NETO1: variants seen among roughly 807,000 people sequenced by gnomAD.
NETO1 encodes neuropilin and tolloid like 1.
Under a neutral mutation model 61.3 loss-of-function variants are expected in NETO1, and 26 were observed. The ratio of observed to expected loss-of-function variants is 0.42; its 90% confidence interval spans 0.31 to 0.59. The LOEUF (loss-of-function observed/expected upper bound fraction) is 0.59. Among genes scored for constraint, NETO1 ranks in the 20% least tolerant of loss-of-function variants. The probability of loss-of-function intolerance (pLI) is 0.12; values close to 1 mark genes in which losing one functional copy is unlikely to be tolerated. For synonymous variants in NETO1, 225 were observed against 225.8 expected (o/e 1.00, Z 0.03); for missense variants, 531 against 662.8 (o/e 0.80, Z 2.18).
chr18:72,842,621 C>A (rs1246779591), intron 4 of NETO1, among the ~76,000 whole-genome samples: 1 of 152,106 alleles, frequency 6.6e-6, no homozygotes, highest in Admixed American at 6.5e-5. Flanking sequence ...AATAGAATCA[C>A]AAAGATTGAA....
chr18:72,795,571 G>A (rs565087366), intron 4 of NETO1, among the ~76,000 whole-genome samples: 1 of 152,062 alleles, frequency 6.6e-6, no homozygotes, highest in African/African-American at 2.4e-5. Context: ...TACATTCTTG[G>A]AGTTGCATTT....
chr18:72,805,339 T>C (rs1033935065), intron 4 of NETO1, among the ~76,000 whole-genome samples: 1 of 152,208 alleles, frequency 6.6e-6, no homozygotes, highest in Non-Finnish European at 1.5e-5. Flanking sequence ...TTCTCAAATA[T>C]TCTACACAAA....
At chr18:72,783,033 T>C (rs2071796474) in intron 7 of NETO1, among the ~76,000 whole-genome samples, 1 of 152,220 alleles carries the variant, frequency 6.6e-6, no homozygotes, top group Non-Finnish European at 1.5e-5. Flanking sequence ...TGCATAAATT[T>C]GTAACACATG....
At chr18:72,865,683 T>C (rs2145701638) in intron 1 of NETO1, 1 of 1,558,498 alleles carries the variant, frequency 6.4e-7, no homozygotes, top group Non-Finnish European at 8.7e-7. Context: ...GTTCCTGACA[T>C]ACTGCAGTGT....
intron 4 of NETO1, among the ~76,000 whole-genome samples, chr18:72,855,890 A>G (rs1258464344): frequency 6.6e-6 from 1 of 152,200 alleles, no homozygotes; most frequent in Non-Finnish European, 1.5e-5. Context: ...TGCATGCTAT[A>G]CATCTCAACT....
chr18:72,803,917 C>T (rs2072590949), intron 4 of NETO1, among the ~76,000 whole-genome samples: 1 of 151,990 alleles, frequency 6.6e-6, no homozygotes, highest in Non-Finnish European at 1.5e-5. Context: ...CATAACAACA[C>T]ATCATAACAG....
intron 4 of NETO1, among the ~76,000 whole-genome samples, chr18:72,806,370 T>A (rs890224745): frequency 3.9e-5 from 6 of 152,178 alleles, no homozygotes; most frequent in African/African-American, 1.4e-4. Flanking sequence ...TATAAACTCA[T>A]CCAGATCCAC....
chr18:72,799,949 C>T (rs1470014906), intron 4 of NETO1, among the ~76,000 whole-genome samples: 1 of 152,248 alleles, frequency 6.6e-6, no homozygotes, highest in East Asian at 1.9e-4. Flanking sequence ...AGAACAAAAA[C>T]TGTGTTCAAG....
Position 72,746,042 on chromosome 18 carries a change from A to T in NETO1, c.*2137T>A, listed in dbSNP as rs1403700463. ...TCCCATTGGTAGATTTCTGGTGAAA[A>T]TACCTTTTAAGCAGGGAATCAGCAT... On this transcript the variant is annotated 3_prime_UTR_variant, in exon 11 of 11. Transcript: ENST00000327305. The T allele has an allele frequency of 6.6e-6, 1 of 152,110 alleles. No individual in the cohort carries two copies. Among genetic ancestry groups the T allele is most frequent in the Non-Finnish European group, 1.5e-5 (1 of 68,020 alleles). 9.4% of individuals were successfully genotyped at this position (152,110 alleles called of 1,614,324 possible).
intron 4 of NETO1, among the ~76,000 whole-genome samples, chr18:72,856,791 C>T (rs1351566853): frequency 6.6e-6 from 1 of 152,182 alleles, no homozygotes; most frequent in African/African-American, 2.4e-5. Flanking sequence ...TGGCAATTCT[C>T]GTAACGCTTC....
chr18:72,818,754 C>T (rs1236826475), intron 4 of NETO1, among the ~76,000 whole-genome samples: 4 of 152,066 alleles, frequency 2.6e-5, no homozygotes, highest in African/African-American at 9.7e-5. Flanking sequence ...ATATCATGCT[C>T]ATTATAACTT....
chr18:72,757,807 G>A (rs749992717), intron 7 of NETO1, among the ~76,000 whole-genome samples: 4 of 152,048 alleles, frequency 2.6e-5, no homozygotes, highest in Non-Finnish European at 4.4e-5. Flanking sequence ...GAATTGATAA[G>A]GTCTGTTAAT....
chr18:72,829,860 A>G (rs1336680363), intron 4 of NETO1, among the ~76,000 whole-genome samples: 1 of 152,148 alleles, frequency 6.6e-6, no homozygotes, highest in Admixed American at 6.5e-5. Flanking sequence ...AAGGCAACAC[A>G]CCATATATAA....
downstream of NETO1, chr18:72,742,431 CAT>C (rs1414980404): frequency 1.3e-5 from 2 of 152,134 alleles, no homozygotes; most frequent in African/African-American, 4.8e-5. Flanking sequence ...GAAGTCTACA[CAT>C]GATTTAGGAA....
chr18:72,787,342 C>A (rs2071956311), intron 6 of NETO1, among the ~76,000 whole-genome samples: 1 of 151,442 alleles, frequency 6.6e-6, no homozygotes, highest in Non-Finnish European at 1.5e-5. Flanking sequence ...AAGTGTAATA[C>A]AAAATGACAC....
intron 4 of NETO1, among the ~76,000 whole-genome samples, chr18:72,798,286 C>T (rs1009348880): frequency 6.6e-5 from 10 of 152,236 alleles, no homozygotes; most frequent in East Asian, 5.8e-4. Context: ...ACTGTGCATG[C>T]GAGGGATCTA....
chr18:72,782,449 C>T (rs148433460), intron 7 of NETO1, among the ~76,000 whole-genome samples: 5 of 152,260 alleles, frequency 3.3e-5, no homozygotes, highest in Non-Finnish European at 5.9e-5. Context: ...ACCAGCAGTG[C>T]GTAAGTGTTC....
chr18:72,805,477 G>A (rs2072646140), intron 4 of NETO1, among the ~76,000 whole-genome samples: 1 of 152,068 alleles, frequency 6.6e-6, no homozygotes, highest in Admixed American at 6.6e-5. Flanking sequence ...TAATTAATAT[G>A]TACCAGATAT....
intron 4 of NETO1, among the ~76,000 whole-genome samples, chr18:72,809,185 C>A (rs889507464): frequency 6.6e-6 from 1 of 151,912 alleles, no homozygotes; most frequent in African/African-American, 2.4e-5. Context: ...CATATACTGA[C>A]GCAGATAGGT....
Sources: gnomAD v4.1 joint callset for allele counts (sites outside exome capture counted in the v4.1 genomes callset) on GRCh38, gnomAD v4.1.1 for gene constraint, MANE v1.5 for transcripts, NCBI Gene and HGNC (gene_info 2026-07-23, HGNC 2026-07-21) for gene names.